SYN2: variants seen among roughly 807,000 people sequenced by gnomAD.
The protein encoded by SYN2 is synapsin II.
In SYN2, 19 loss-of-function variants were observed where a neutral mutation model predicts 50.9. The ratio of observed to expected loss-of-function variants is 0.37; its 90% CI spans 0.26 to 0.55. The LOEUF is 0.55. Ranked by LOEUF, SYN2 falls within the 20% of genes least tolerant of loss-of-function variation. The pLI, the probability that SYN2 is intolerant of heterozygous loss-of-function variation, is 0.81. For missense variants in SYN2, 587 were observed against 576.4 expected (o/e 1.02, Z -0.19); for synonymous variants, 255 against 224.9 (o/e 1.13, Z -1.20).
intron 1 of SYN2, among the ~76,000 whole-genome samples, chr3:12,129,064 C>T (rs1207880608): frequency 2.6e-5 from 4 of 151,482 alleles, no homozygotes; most frequent in African/African-American, 9.7e-5. Flanking sequence ...TAAAATGAAT[C>T]ATAAAAAATT....
intron 4 of SYN2, among the ~76,000 whole-genome samples, chr3:12,148,155 A>T (rs569634536): frequency 7.8e-4 from 118 of 152,110 alleles, no homozygotes; most frequent in African/African-American, 2.8e-3. Flanking sequence ...CTTTTCCTAA[A>T]CTGTGCCAGA....
chr3:12,128,650 G>A (rs1696724022), intron 1 of SYN2, among the ~76,000 whole-genome samples: 1 of 152,108 alleles, frequency 6.6e-6, no homozygotes, highest in African/African-American at 2.4e-5. Context: ...GAACATTAAG[G>A]TGGAAGATGG....
chr3:12,146,725 T>G (rs1697157482), intron 4 of SYN2, among the ~76,000 whole-genome samples: 2 of 152,082 alleles, frequency 1.3e-5, no homozygotes, highest in African/African-American at 2.4e-5. Context: ...GTGGAAACTT[T>G]TAGGCAGATA....
chr3:12,120,029 A>G (rs553043243), intron 1 of SYN2, among the ~76,000 whole-genome samples: 2 of 152,278 alleles, frequency 1.3e-5, no homozygotes, highest in East Asian at 3.9e-4. Flanking sequence ...AGATTTAGGC[A>G]GAACCCTATA....
intron 10 of SYN2, among the ~76,000 whole-genome samples, chr3:12,176,047 G>A (rs1440575876): frequency 2.0e-5 from 3 of 152,206 alleles, no homozygotes; most frequent in African/African-American, 4.8e-5. Context: ...GTGACACCTG[G>A]TGGTCACTCA....
chr3:12,037,515 T>C (rs1694523549), intron 1 of SYN2, among the ~76,000 whole-genome samples: 1 of 152,222 alleles, frequency 6.6e-6, no homozygotes, highest in Non-Finnish European at 1.5e-5. Flanking sequence ...GCCTCCTTGC[T>C]ACATCATAAC....
chr3:12,143,376 G>A (rs1574964051), intron 3 of SYN2, among the ~76,000 whole-genome samples: 1 of 152,190 alleles, frequency 6.6e-6, no homozygotes, highest in Non-Finnish European at 1.5e-5. Context: ...GGGTTCTAGT[G>A]TTCCATCGCC....
At chr3:12,163,788 G>A (rs1020685356) in intron 7 of SYN2, among the ~76,000 whole-genome samples, 5 of 151,998 alleles carry the variant, frequency 3.3e-5, no homozygotes, top group East Asian at 1.9e-4. Flanking sequence ...AGAAATATGC[G>A]CAATGTGGCC....
At chr3:12,158,657 C>T (rs779298140) in intron 5 of SYN2, 46 of 1,604,768 alleles carry the variant, frequency 2.9e-5, no homozygotes, top group Non-Finnish European at 3.7e-5. Context: ...ATACTAATCC[C>T]CCACAACCAC....
intron 1 of SYN2, among the ~76,000 whole-genome samples, chr3:12,111,135 CAG>C (rs961993163): frequency 2.0e-5 from 3 of 152,152 alleles, no homozygotes; most frequent in African/African-American, 7.2e-5. Flanking sequence ...ATAATTGAAT[CAG>C]GGGGGCAGAT....
At position 12,113,432 on chromosome 3, in the gene SYN2, C is replaced by A. The variant is rs1420521227; in HGVS notation, c.378-27219C>A. Among the ~76,000 whole-genome samples, 3 of 152,078 alleles carry A rather than the reference C, an allele frequency of 2.0e-5. No homozygotes were observed. The East Asian group carries it at 5.8e-4, about 29-fold the overall frequency. ...TTCGAGAAAATTAGCTATATTTACC[C>A]CTCCCCATTTAAAAAATTGAGGTAC... On this transcript the variant is annotated intron_variant, in intron 1 of 12. Transcript: ENST00000621198.
chr3:12,171,946 G>C (rs1039801815), intron 10 of SYN2, among the ~76,000 whole-genome samples: 1 of 152,148 alleles, frequency 6.6e-6, no homozygotes, highest in Admixed American at 6.5e-5. Context: ...TTTTGTAAGA[G>C]AAATCTACAA....
At chr3:12,069,060 GTT>G (rs1275050512) in intron 1 of SYN2, among the ~76,000 whole-genome samples, 2 of 152,098 alleles carry the variant, frequency 1.3e-5, no homozygotes, top group African/African-American at 4.8e-5. Flanking sequence ...TTAGCGTAAT[GTT>G]TTCAAGGTCC....
chr3:12,163,241 C>CAAAAAAAAA (rs11404808), intron 7 of SYN2, among the ~76,000 whole-genome samples: 1 of 122,598 alleles, frequency 8.2e-6, no homozygotes, highest in African/African-American at 3.3e-5. Context: ...GACTCTGTCT[C>CAAAAAAAAA]AAAAAAAAAA....
chr3:12,170,127 A>G (rs1697906943), intron 10 of SYN2, among the ~76,000 whole-genome samples: 1 of 152,150 alleles, frequency 6.6e-6, no homozygotes, highest in Non-Finnish European at 1.5e-5. Flanking sequence ...AATATCAATT[A>G]TATAATTAAC....
At chr3:12,157,806 A>G (rs1697502613) in intron 5 of SYN2, among the ~76,000 whole-genome samples, 1 of 152,148 alleles carries the variant, frequency 6.6e-6, no homozygotes, top group Non-Finnish European at 1.5e-5. Context: ...TAGAGAAGGG[A>G]GGAGGAGCCC....
Position 12,172,683 on chromosome 3 carries a change from A to G in SYN2, c.1308+2777A>G, listed in dbSNP as rs1008327594. On this transcript the variant is annotated intron_variant, in intron 10 of 12. Coordinates refer to ENST00000621198, the MANE Select transcript of SYN2 (RefSeq NM_133625.6). ...ATGATGTAGGCATGACTGGTTGATC[A>G]CCTGGTTGAACTCAGCCTCTGGCTT... Among the ~76,000 whole-genome samples, 5 of 152,172 alleles carry G rather than the reference A, an allele frequency of 3.3e-5. 1 individual carries two copies. The South Asian group carries it at 6.2e-4, about 19-fold the overall frequency.
intron 5 of SYN2, chr3:12,156,989 AT>A: frequency 7.8e-7 from 1 of 1,284,770 alleles, no homozygotes; most frequent in Non-Finnish European, 1.1e-6. Context: ...TACTGTATAT[AT>A]TAACAGACAA....
chr3:12,142,733 T>A (rs919422220), intron 3 of SYN2, among the ~76,000 whole-genome samples: 4 of 152,154 alleles, frequency 2.6e-5, no homozygotes, highest in Non-Finnish European at 5.9e-5. Flanking sequence ...CAAGTGTTAT[T>A]CTTCCCAGGA....
Sources: allele counts gnomAD v4.1 joint callset (sites outside exome capture counted in the v4.1 genomes callset), GRCh38; gene constraint gnomAD v4.1.1; transcripts MANE v1.5; gene names NCBI Gene and HGNC (gene_info 2026-07-23, HGNC 2026-07-21).